Variants in ZNF385D observed in about 807,000 individuals in gnomAD.
The protein encoded by ZNF385D is zinc finger protein 659.
ZNF385D carries 15 observed loss-of-function variants against 35.8 expected under a neutral mutation model. The ratio of observed to expected loss-of-function variants is 0.42; its 90% CI spans 0.28 to 0.64. The LOEUF is 0.64. Among genes scored for constraint, ZNF385D ranks in the 30% least tolerant of loss-of-function variants. The pLI, the probability that ZNF385D is intolerant of heterozygous loss-of-function variation, is 0.23. For synonymous variants in ZNF385D, 212 were observed against 186.8 expected (o/e 1.13, Z -1.10); for missense variants, 474 against 494.6 (o/e 0.96, Z 0.39).
At chr3:21,875,581 A>G (rs1052210568) in intron 3 of ZNF385D, among the ~76,000 whole-genome samples, 3 of 152,102 alleles carry the variant, frequency 2.0e-5, no homozygotes, top group African/African-American at 7.2e-5. Context: ...TTCAAAATAT[A>G]TCTGATACTC....
At chr3:21,982,505 G>T (rs113755047) in intron 3 of ZNF385D, among the ~76,000 whole-genome samples, 1 of 152,088 alleles carries the variant, frequency 6.6e-6, no homozygotes, top group African/African-American at 2.4e-5. Context: ...AGGTTTTCTA[G>T]ATATATAATC....
intron 2 of ZNF385D, among the ~76,000 whole-genome samples, chr3:22,368,525 C>T (rs746278868): frequency 3.3e-5 from 5 of 152,126 alleles, no homozygotes; most frequent in Non-Finnish European, 5.9e-5. Flanking sequence ...GGTAGCTAAA[C>T]AACAAACATT....
intron 2 of ZNF385D, among the ~76,000 whole-genome samples, chr3:21,597,817 C>T (rs955344430): frequency 1.3e-5 from 2 of 152,046 alleles, no homozygotes; most frequent in Admixed American, 6.6e-5. Context: ...TGGAAAATGG[C>T]ATCATGGACA....
At chr3:22,208,548 T>C (rs1393536533) in intron 2 of ZNF385D, among the ~76,000 whole-genome samples, 3 of 151,684 alleles carry the variant, frequency 2.0e-5, no homozygotes, top group Admixed American at 6.6e-5. Flanking sequence ...TTGTACATTG[T>C]AAATAAATAA....
intron 3 of ZNF385D, among the ~76,000 whole-genome samples, chr3:21,979,343 T>C (rs1694273147): frequency 6.6e-6 from 1 of 152,228 alleles, no homozygotes; most frequent in African/African-American, 2.4e-5. Flanking sequence ...TACTATTTTT[T>C]CATTAAACAA....
rs1039383312 is a variant in ZNF385D at position 21,418,688 on chromosome 3, A to T, written c.*2526T>A. The T allele has an allele frequency of 1.3e-5, 2 of 152,170 alleles. No homozygotes were observed. Among genetic ancestry groups the T allele is most frequent in the Non-Finnish European group, 2.9e-5 (2 of 68,022 alleles). The allele number at this position is 152,170 out of a possible 1,614,324, so 9.4% of individuals were successfully genotyped here. On this transcript the variant is annotated 3_prime_UTR_variant, in exon 8 of 8. Transcript: ENST00000281523. ...GCCCTGATTTTTAGTGGACTGGCTC[A>T]TTCACTTTGGTGAAAATGGGAAAGA...
At chr3:21,809,868 T>G (rs762603983) in intron 3 of ZNF385D, among the ~76,000 whole-genome samples, 24 of 151,988 alleles carry the variant, frequency 1.6e-4, no homozygotes, top group Admixed American at 3.3e-4. Context: ...TGAATTGAGG[T>G]ATAACTAAAA....
chr3:21,806,250 T>C (rs1272036803), intron 3 of ZNF385D, among the ~76,000 whole-genome samples: 2 of 151,136 alleles, frequency 1.3e-5, no homozygotes, highest in African/African-American at 2.4e-5. Flanking sequence ...GTTATACCAA[T>C]CTAAACTCTT....
At chr3:21,710,957 C>T (rs2125412900) in intron 1 of ZNF385D, among the ~76,000 whole-genome samples, 1 of 151,616 alleles carries the variant, frequency 6.6e-6, no homozygotes, top group Non-Finnish European at 1.5e-5. Context: ...TTTCCCCATT[C>T]CTTCCTCTAT....
At chr3:21,564,789 C>T (rs1283058902) in intron 2 of ZNF385D, 105 bp from the exon 3 acceptor site, 2 of 502,634 alleles carry the variant, frequency 4.0e-6, no homozygotes, top group Non-Finnish European at 6.8e-6. Flanking sequence ...CTTCAATCTA[C>T]TGCTCACATT....
rs566377035 is a variant in ZNF385D, at chr3:21,849,331, C to T, written c.326-184303G>A. 2.6e-5 allele frequency among the ~76,000 whole-genome samples: 4 copies of T among 152,166 alleles called. No individual in the cohort carries two copies. In the South Asian group the frequency reaches 6.2e-4, roughly 24 times the overall value. Reference sequence around the variant, plus strand: ...ATTGATTCAAAAGAATGAGCTAATACTTAAAGAGTTTGTGAATTGCTAATT... The same window carrying T: ...ATTGATTCAAAAGAATGAGCTAATATTTAAAGAGTTTGTGAATTGCTAATT... On this transcript the variant is annotated intron_variant, in intron 3 of 5. Transcript: ENST00000494108.
chr3:22,011,856 G>A (rs538677180), intron 3 of ZNF385D, among the ~76,000 whole-genome samples: 1 of 152,180 alleles, frequency 6.6e-6, no homozygotes, highest in South Asian at 2.1e-4. Context: ...TGTAAAGACT[G>A]TAATCATGCT....
intron 3 of ZNF385D, among the ~76,000 whole-genome samples, chr3:21,945,860 T>C (rs983688478): frequency 6.6e-6 from 1 of 152,234 alleles, no homozygotes; most frequent in African/African-American, 2.4e-5. Flanking sequence ...ACATAAGTAA[T>C]TATGCTTCAT....
At chr3:22,264,291 G>A (rs758620873) in intron 2 of ZNF385D, among the ~76,000 whole-genome samples, 1 of 152,044 alleles carries the variant, frequency 6.6e-6, no homozygotes, top group Non-Finnish European at 1.5e-5. Flanking sequence ...TTGAATTAAA[G>A]GTCAGCAAGA....
chr3:21,596,886 A>G (rs2064143418), intron 2 of ZNF385D, among the ~76,000 whole-genome samples: 1 of 152,052 alleles, frequency 6.6e-6, no homozygotes, highest in Non-Finnish European at 1.5e-5. Flanking sequence ...TTAATGGTGG[A>G]GAGGAAAGGA....
chr3:21,821,718 T>C (rs1172030912), intron 3 of ZNF385D, among the ~76,000 whole-genome samples: 1 of 152,120 alleles, frequency 6.6e-6, no homozygotes, highest in African/African-American at 2.4e-5. Context: ...ATCAGCACTT[T>C]GGAAGTTCAA....
chr3:21,672,638 G>C lies in ZNF385D; in HGVS notation c.23-7610C>G, dbSNP rs190943040. On this transcript the variant is annotated intron_variant, in intron 1 of 7. Coordinates refer to ENST00000281523, the MANE Select transcript of ZNF385D (RefSeq NM_024697.3). ...GAAGGAAATCACATGGAAGTGATCT[G>C]GGTTTCCCCTTGTCCAAATTATTTA... Among the ~76,000 whole-genome samples, 8 of 152,280 alleles carry C rather than the reference G, an allele frequency of 5.3e-5. No homozygotes were observed. In the East Asian group the frequency reaches 1.5e-3, roughly 29 times the overall value.
intron 1 of ZNF385D, among the ~76,000 whole-genome samples, chr3:21,733,175 T>C (rs1010192084): frequency 2.0e-5 from 3 of 152,218 alleles, no homozygotes; most frequent in African/African-American, 7.2e-5. Context: ...TTTGCTCTTT[T>C]GTCAAAGACC....
chr3:21,658,941 G>A lies in ZNF385D; in HGVS notation c.165+5945C>T, dbSNP rs190689771. On this transcript the variant is annotated intron_variant, in intron 2 of 7. Transcript: ENST00000281523. The stretch of plus-strand genomic sequence containing the variant: ...GTTTAGTTTAATCTATTAACATCTA[G>A]GTGTTTTTCTAGTACCTGATAGAAG... 1.3e-5 allele frequency among the ~76,000 whole-genome samples: 2 copies of A among 152,070 alleles called. 1 individual carries two copies. The highest frequency in any genetic ancestry group is 1.3e-4 in the Admixed American group (2 of 15,238).
Sources: allele counts gnomAD v4.1 joint callset (sites outside exome capture counted in the v4.1 genomes callset), GRCh38; gene constraint gnomAD v4.1.1; transcripts MANE v1.5; gene names NCBI Gene and HGNC (gene_info 2026-07-23, HGNC 2026-07-21).